The following CSMD1 variants were observed in gnomAD, a reference collection of about 807,000 sequenced individuals.
CSMD1 encodes CUB and sushi domain-containing protein 1.
Under a neutral mutation model 417.5 loss-of-function variants are expected in CSMD1, and 213 were observed. The observed-to-expected ratio is 0.51, with a 90% confidence interval of 0.46 to 0.57. CSMD1 has a LOEUF of 0.57. Ranked by LOEUF, CSMD1 falls within the 20% of genes least tolerant of loss-of-function variation. CSMD1 has a pLI of 0.00. For synonymous variants in CSMD1, 2,862 were observed against 1,736.8 expected (o/e 1.65, Z -16.11); for missense variants, 6,923 against 4,529.7 (o/e 1.53, Z -15.17).
rs1474165542 is a variant in CSMD1, at chr8:4,717,090, G to A, written c.86-79532C>T. On this transcript the variant is annotated intron_variant, in intron 1 of 69. Transcript: ENST00000635120. ...ATAAGTCCTACCTTCTTCCCTCTCT[G>A]CCCCGAGAAAAACTATTTTTTTCTA... is the stretch of plus-strand genomic sequence containing the variant. 7.3e-5 allele frequency among the ~76,000 whole-genome samples: 11 copies of A among 151,638 alleles called. No individual in the cohort carries two copies. In the East Asian group the frequency reaches 1.9e-3, roughly 27 times the overall value.
At chr8:3,622,499 C>T (rs1329119554) in intron 7 of CSMD1, among the ~76,000 whole-genome samples, 2 of 152,158 alleles carry the variant, frequency 1.3e-5, no homozygotes, top group South Asian at 2.1e-4. Flanking sequence ...GAAATTGGAG[C>T]TACCTGCCCA....
intron 3 of CSMD1, among the ~76,000 whole-genome samples, chr8:4,210,206 C>G (rs1219088103): frequency 1.3e-5 from 2 of 152,190 alleles, no homozygotes; most frequent in East Asian, 3.9e-4. Flanking sequence ...CACTCCCTCC[C>G]CAAGCCAGCA....
intron 12 of CSMD1, among the ~76,000 whole-genome samples, chr8:3,445,594 G>A (rs1279353815): frequency 1.3e-5 from 2 of 152,030 alleles, no homozygotes; most frequent in African/African-American, 4.8e-5. Context: ...GTGCATCACA[G>A]ACCACAATAA....
At chr8:4,392,993 A>G (rs1039335920) in intron 3 of CSMD1, among the ~76,000 whole-genome samples, 10 of 152,020 alleles carry the variant, frequency 6.6e-5, no homozygotes, top group Non-Finnish European at 1.3e-4. Context: ...AACAAAAAAG[A>G]GAGATGGAGT....
intron 3 of CSMD1, among the ~76,000 whole-genome samples, chr8:4,275,479 C>A (rs912993681): frequency 3.0e-5 from 4 of 131,796 alleles, no homozygotes; most frequent in African/African-American, 1.1e-4. Flanking sequence ...GATCACAGAT[C>A]TCGTAGAGGG....
At chr8:3,396,661 G>C (rs1489072502) in intron 16 of CSMD1, among the ~76,000 whole-genome samples, 1 of 152,008 alleles carries the variant, frequency 6.6e-6, no homozygotes. Context: ...AAAATACTAT[G>C]AACCAGATTA....
At chr8:4,925,869 T>G (rs1029491638) in intron 1 of CSMD1, among the ~76,000 whole-genome samples, 1 of 152,132 alleles carries the variant, frequency 6.6e-6, no homozygotes, top group Non-Finnish European at 1.5e-5. Flanking sequence ...TTTGTAATTG[T>G]GAAATGGCAT....
intron 7 of CSMD1, 85 bp downstream of exon 7, chr8:3,708,329 G>C (rs938527826): frequency 9.5e-7 from 1 of 1,055,522 alleles, no homozygotes; most frequent in Non-Finnish European, 1.5e-6. Context: ...GGAAGGTGGT[G>C]GGTGGGATCG....
At chr8:3,793,776 G>C (rs931859584) in intron 5 of CSMD1, among the ~76,000 whole-genome samples, 1 of 152,096 alleles carries the variant, frequency 6.6e-6, no homozygotes. Context: ...CTTGACGACA[G>C]AGACCTTGCC....
intron 5 of CSMD1, among the ~76,000 whole-genome samples, chr8:3,798,976 G>C (rs1335930178): frequency 6.6e-6 from 1 of 151,828 alleles, no homozygotes. Flanking sequence ...ATATATATGG[G>C]TGAATAATAA....
At chr8:4,304,348 A>T (rs13279901) in intron 3 of CSMD1, among the ~76,000 whole-genome samples, 115,078 of 151,706 alleles carry the variant, frequency 0.76, 43,718 homozygotes, top group East Asian at 0.85. Context: ...TGTCTTAGAT[A>T]CATTCCATTT....
chr8:3,520,713 G>A (rs539800107), intron 10 of CSMD1, among the ~76,000 whole-genome samples: 1 of 151,948 alleles, frequency 6.6e-6, no homozygotes, highest in African/African-American at 2.4e-5. Flanking sequence ...CTTGTTGCAT[G>A]GCTGCCCACC....
In CSMD1 at chr8:3,387,475, C is replaced by A; in HGVS notation, c.2782+19G>T. ...TCTGCACACCCTGCTGGTGCATTGC[C>A]TCACTGAGCTGTACCTACCGTCGCA... On this transcript the variant is annotated intron_variant, in intron 18 of 69. Transcript: ENST00000635120. 1 of 1,577,566 alleles carries A rather than the reference C, an allele frequency of 6.3e-7. No individual in the cohort carries two copies. Among genetic ancestry groups the A allele is most frequent in the Middle Eastern group, 1.8e-4 (1 of 5,452 alleles).
At chr8:4,194,535 T>A (rs1584999301) in intron 3 of CSMD1, among the ~76,000 whole-genome samples, 1 of 152,112 alleles carries the variant, frequency 6.6e-6, no homozygotes, top group Non-Finnish European at 1.5e-5. Context: ...AACAACTATT[T>A]TTATTATAAT....
At chr8:3,969,426 T>G (rs1245139065) in intron 5 of CSMD1, among the ~76,000 whole-genome samples, 2 of 152,178 alleles carry the variant, frequency 1.3e-5, no homozygotes, top group South Asian at 2.1e-4. Context: ...TGCAGCAGCC[T>G]GGAGATGGGT....
At chr8:4,250,500 T>G (rs747379949) in intron 3 of CSMD1, among the ~76,000 whole-genome samples, 2 of 152,184 alleles carry the variant, frequency 1.3e-5, no homozygotes, top group Non-Finnish European at 2.9e-5. Flanking sequence ...GTGTAATGAC[T>G]CTTGGTGGAA....
chr8:4,520,856 T>C (rs1353042502), intron 2 of CSMD1, among the ~76,000 whole-genome samples: 1 of 152,214 alleles, frequency 6.6e-6, no homozygotes, highest in Admixed American at 6.5e-5. Flanking sequence ...AGACTTCTTT[T>C]AATAGACTCT....
intron 2 of CSMD1, among the ~76,000 whole-genome samples, chr8:4,480,050 T>A (rs1017472249): frequency 5.3e-5 from 8 of 151,718 alleles, no homozygotes; most frequent in Non-Finnish European, 1.0e-4. Flanking sequence ...CCCTGGAGAA[T>A]GTGGTCGTGA....
chr8:3,369,873 G>C (rs1809839328), intron 18 of CSMD1, among the ~76,000 whole-genome samples: 1 of 152,218 alleles, frequency 6.6e-6, no homozygotes, highest in Admixed American at 6.5e-5. Context: ...ATGTTAGAAA[G>C]TTATGAGTTC....
Sources: gnomAD v4.1 joint callset for allele counts (sites outside exome capture counted in the v4.1 genomes callset) on GRCh38, gnomAD v4.1.1 for gene constraint, MANE v1.5 for transcripts, NCBI Gene and HGNC (gene_info 2026-07-23, HGNC 2026-07-21) for gene names.